The following TSNARE1 variants were observed in gnomAD, a reference collection of about 807,000 sequenced individuals.
TSNARE1 encodes t-SNARE domain containing 1, also known as t-SNARE domain-containing protein 1.
A neutral mutation model predicts 62.0 loss-of-function variants in TSNARE1; 49 were observed. That is an observed-to-expected ratio of 0.79 (90% CI 0.63 to 1.00). The LOEUF (loss-of-function observed/expected upper bound fraction) is 1.00, where lower values mean the gene tolerates loss of function less well. TSNARE1 is among the 50% of genes least tolerant of loss of function. TSNARE1 has a pLI of 0.00. For synonymous variants in TSNARE1, 328 were observed against 294.4 expected, an observed-to-expected ratio of 1.11 and a Z score of -1.17; for missense variants, 755 against 700.1, an observed-to-expected ratio of 1.08 and a Z score of -0.88.
rs1229379693 is a variant in TSNARE1, at chr8:142,403,129, C to A, written c.-65G>T. 6.7e-6 allele frequency: 1 copy of A among 148,908 alleles called. No homozygotes were observed. The highest frequency in any genetic ancestry group is 1.5e-5 in the Non-Finnish European group (1 of 66,614). 9.2% of individuals were successfully genotyped at this position (148,908 alleles called of 1,614,324 possible). ...CTGGGCCTCGGTGGCTCGCGGACCG[C>A]TCCGGGCGCTCACGGCGGGCGAGGC... On this transcript the variant is annotated 5_prime_UTR_variant, in exon 1 of 14. Coordinates refer to ENST00000524325, the MANE Select transcript of TSNARE1 (RefSeq NM_145003.5).
At chr8:142,361,756 G>A (rs1835179729) in intron 1 of TSNARE1, among the ~76,000 whole-genome samples, 2 of 152,294 alleles carry the variant, frequency 1.3e-5, no homozygotes, top group South Asian at 4.1e-4. Context: ...GAGCTCCACA[G>A]GCAAGGCCGG....
chr8:142,228,738 T>C (rs1296055750), intron 13 of TSNARE1, among the ~76,000 whole-genome samples: 2 of 151,962 alleles, frequency 1.3e-5, no homozygotes, highest in Non-Finnish European at 2.9e-5. Context: ...ACAAAGGAGA[T>C]GCTCAACAAA....
intron 1 of TSNARE1, among the ~76,000 whole-genome samples, chr8:142,387,373 C>A (rs12386827): frequency 5.3e-5 from 8 of 151,462 alleles, no homozygotes; most frequent in Non-Finnish European, 8.8e-5. Context: ...TTTAGAAAAA[C>A]GATAAGATAA....
chr8:142,270,721 C>A (rs888131270), intron 12 of TSNARE1: 10 of 985,214 alleles, frequency 1.0e-5, no homozygotes, highest in African/African-American at 5.2e-5. Flanking sequence ...AGCAGGGGGC[C>A]CCTCAGTGCA....
chr8:142,339,522 T>C (rs932185586), intron 4 of TSNARE1, among the ~76,000 whole-genome samples: 2 of 152,114 alleles, frequency 1.3e-5, no homozygotes, highest in African/African-American at 4.8e-5. Flanking sequence ...GCTGTTTGGC[T>C]CCCACAGGGC....
chr8:142,397,546 A>T (rs868163296), intron 1 of TSNARE1, among the ~76,000 whole-genome samples: 7 of 152,182 alleles, frequency 4.6e-5, no homozygotes, highest in Middle Eastern at 6.3e-3. Flanking sequence ...TACGTAAGTC[A>T]GGGCTGGGTT....
At chr8:142,239,481 T>C (rs1817586891) in intron 12 of TSNARE1, among the ~76,000 whole-genome samples, 1 of 152,240 alleles carries the variant, frequency 6.6e-6, no homozygotes. Context: ...GAGACTTCAT[T>C]TCAGTAGAAT....
chr8:142,357,609 C>T (rs894441287), intron 1 of TSNARE1, among the ~76,000 whole-genome samples: 2 of 152,190 alleles, frequency 1.3e-5, no homozygotes, highest in Non-Finnish European at 2.9e-5. Flanking sequence ...AGGACAAGTC[C>T]TAAGTTCTGG....
chr8:142,290,605 C>G (rs1455921292), intron 10 of TSNARE1, among the ~76,000 whole-genome samples: 4 of 152,238 alleles, frequency 2.6e-5, no homozygotes, highest in Admixed American at 2.6e-4. Context: ...ATCTTGGCAA[C>G]CATCCACCTA....
rs368442391 is a variant in TSNARE1 at position 142,379,981 on chromosome 8, A to G, written c.-40+23123T>C. ...TGTGCCGCTGCCCCCAGCAGAGGAG[A>G]GAACTGACACTGGAGGGAGAGGGCA... is the stretch of plus-strand genomic sequence containing the variant. On this transcript the variant is annotated intron_variant, in intron 1 of 13. Transcript: ENST00000524325. Among the ~76,000 whole-genome samples the G allele has an allele frequency of 1.6e-3, 245 of 152,310 alleles. 4 individuals are homozygous for G. Among genetic ancestry groups the G allele is most frequent in the Middle Eastern group, 0.01 (3 of 294 alleles).
rs796080013 is a variant in TSNARE1 at position 142,223,185 on chromosome 8, T to C, written c.*11+6288A>G. Among the ~76,000 whole-genome samples the C allele has an allele frequency of 6.5e-4, 30 of 45,962 alleles. 6 individuals are homozygous for C. The highest frequency in any genetic ancestry group is 2.0e-3 in the African/African-American group (22 of 10,966). The allele number at this position is 45,962 out of a possible 152,430, so 30.2% of individuals were successfully genotyped here. A position where few individuals can be genotyped will look rare whatever the true frequency, so the allele number is the denominator to read the frequency against. ...ACTCACTCACTCAAGTATTCACTCA[T>C]TCACTCGTTCACTCACTCATACTCA... On this transcript the variant is annotated intron_variant, in intron 13 of 13. Transcript: ENST00000524325.
At chr8:142,235,219 C>T (rs1308228655) in intron 12 of TSNARE1, among the ~76,000 whole-genome samples, 3 of 151,696 alleles carry the variant, frequency 2.0e-5, no homozygotes, top group South Asian at 2.1e-4. Context: ...CAGAGAAGGA[C>T]GTGACTCACC....
rs189960677 is a variant in TSNARE1, at chr8:142,308,283, G to A, written c.1131+6101C>T. 6.6e-5 allele frequency among the ~76,000 whole-genome samples: 10 copies of A among 152,270 alleles called. No homozygotes were observed. In the East Asian group the frequency reaches 1.5e-3, roughly 24 times the overall value. Reference sequence around the variant, plus strand: ...TCTGTGTAAGAAATACTTGTCCACCGTGAAGGCGTCGGGGAGCCTCCCATG... The same window carrying A: ...TCTGTGTAAGAAATACTTGTCCACCATGAAGGCGTCGGGGAGCCTCCCATG... On this transcript the variant is annotated intron_variant, in intron 9 of 13. Transcript: ENST00000524325.
intron 1 of TSNARE1, among the ~76,000 whole-genome samples, chr8:142,379,752 G>A (rs141411311): frequency 3.3e-5 from 5 of 152,230 alleles, no homozygotes; most frequent in African/African-American, 1.2e-4. Context: ...CCAGCTTTAC[G>A]GGTGGGGCCA....
intron 2 of TSNARE1, among the ~76,000 whole-genome samples, chr8:142,352,911 G>T (rs769643401): frequency 6.6e-6 from 1 of 152,160 alleles, no homozygotes; most frequent in African/African-American, 2.4e-5. Context: ...CCACGCACAC[G>T]TGTGCACATG....
intron 6 of TSNARE1, among the ~76,000 whole-genome samples, chr8:142,324,677 CCTG>C (rs1202355785): frequency 1.8e-4 from 27 of 152,252 alleles, no homozygotes; most frequent in Admixed American, 1.0e-3. Flanking sequence ...CACAAAAGCA[CCTG>C]CAGGCTGGAG....
intron 1 of TSNARE1, among the ~76,000 whole-genome samples, chr8:142,362,342 T>C (rs968705607): frequency 6.6e-6 from 1 of 152,190 alleles, no homozygotes; most frequent in African/African-American, 2.4e-5. Context: ...CAGACCCACG[T>C]TGACAGCAGT....
At chr8:142,360,272 G>C (rs1032031184) in intron 1 of TSNARE1, among the ~76,000 whole-genome samples, 3 of 152,176 alleles carry the variant, frequency 2.0e-5, no homozygotes, top group Non-Finnish European at 2.9e-5. Context: ...ATGTGGCAGA[G>C]GACAGGGACG....
intron 12 of TSNARE1, among the ~76,000 whole-genome samples, chr8:142,265,255 C>T (rs1485303274): frequency 6.6e-6 from 1 of 152,212 alleles, no homozygotes; most frequent in Non-Finnish European, 1.5e-5. Context: ...CACCCTACCC[C>T]ACTCCACTTC....
Sources: gnomAD v4.1 joint callset for allele counts (sites outside exome capture counted in the v4.1 genomes callset) on GRCh38, gnomAD v4.1.1 for gene constraint, MANE v1.5 for transcripts, NCBI Gene and HGNC (gene_info 2026-07-23, HGNC 2026-07-21) for gene names.